ZNF479: variants seen among roughly 807,000 people sequenced by gnomAD.
The protein encoded by ZNF479 is zinc finger protein 479, also known as KRAB zinc finger protein KR19.
A neutral mutation model predicts 14.7 loss-of-function variants in ZNF479; 15 were observed. The observed-to-expected ratio is 1.02, with a 90% confidence interval of 0.68 to 1.57. The LOEUF (loss-of-function observed/expected upper bound fraction) is 1.57. Among genes scored for constraint, ZNF479 ranks in the 40% most tolerant of loss-of-function variants. The pLI is 0.00. For synonymous variants in ZNF479, 145 were observed against 211.5 expected (o/e 0.69, Z 2.73); for missense variants, 506 against 615.1 (o/e 0.82, Z 1.88).
rs1389909464 is a variant in ZNF479, at chr7:57,121,247, G to T, written c.263-95C>A. ...ATATAAAATTACACAAGGTACATTA[G>T]CAAAATGCCATATCAAAATACCACA... On this transcript the variant is annotated intron_variant, in intron 3 of 3. Transcript: ENST00000319636. The T allele has an allele frequency of 2.7e-6, 4 of 1,484,334 alleles. No homozygotes were observed. In the Admixed American group the frequency reaches 6.6e-5, roughly 24 times the overall value. 91.9% of individuals were successfully genotyped at this position (1,484,334 alleles called of 1,614,324 possible). A position where few individuals can be genotyped will look rare whatever the true frequency, so the allele number is the denominator to read the frequency against.
upstream of ZNF479, among the ~76,000 whole-genome samples, chr7:57,135,603 G>A (rs1011951103): frequency 4.6e-5 from 7 of 151,916 alleles, no homozygotes; most frequent in Non-Finnish European, 1.0e-4. Context: ...AGTAGAGATG[G>A]GGTTTCACCA....
upstream of ZNF479, among the ~76,000 whole-genome samples, chr7:57,136,879 T>C (rs970160309): frequency 1.3e-5 from 2 of 152,206 alleles, no homozygotes; most frequent in Non-Finnish European, 2.9e-5. Flanking sequence ...GCCACCTTTT[T>C]GAAAATACCT....
At chr7:57,124,602 A>G (rs55653441) in intron 3 of ZNF479, among the ~76,000 whole-genome samples, 4,212 of 152,336 alleles carry the variant, frequency 0.028, 119 homozygotes, top group East Asian at 0.17. Context: ...GAGAACAGAA[A>G]AATTTAATTG....
chr7:57,125,007 G>A (rs1474089363), intron 3 of ZNF479, among the ~76,000 whole-genome samples: 1 of 152,134 alleles, frequency 6.6e-6, no homozygotes, highest in Non-Finnish European at 1.5e-5. Context: ...GGAGGCAGAG[G>A]TTGCTGTGAG....
Position 57,126,063 on chromosome 7 carries a change from C to G in ZNF479, c.217G>C (p.Glu73Gln), listed in dbSNP as rs760574457. 1.9e-6 allele frequency: 3 copies of G among 1,603,996 alleles called. No individual in the cohort carries two copies. The highest frequency in any genetic ancestry group is 2.2e-5 in the East Asian group (1 of 44,848). Residue 73 changes from glutamate to glutamine, a missense_variant, in exon 3 of 4, where the codon GAG becomes CAG. By Grantham distance (29) the Glu-to-Gln change is conservative. Transcript: ENST00000319636. Reference sequence around the variant, plus strand: ...TCATTTCTCTTTATATTCTGGGACTCTTTATTTTGCTCCAGACAGGTGATC... The same window carrying G: ...TCATTTCTCTTTATATTCTGGGACTGTTTATTTTGCTCCAGACAGGTGATC... ...DLITCLEQNKESQNIKRNEMV... is the reference protein window; with the variant it reads ...DLITCLEQNKQSQNIKRNEMV...
Position 57,138,963 on chromosome 7 carries a change from A to C in ZNF479, c.-15+645T>G, listed in dbSNP as rs183164165. Among the ~76,000 whole-genome samples, 124 of 152,340 alleles carry C rather than the reference A, an allele frequency of 8.1e-4. 2 individuals are homozygous for C. The East Asian group carries it at 0.023, about 28-fold the overall frequency. ...AAAAATGACTCTCCTACCTGGAACC[A>C]AAAATAGGAGAGATGTTGACTCTCA... On this transcript the variant is annotated intron_variant, in intron 1 of 4. Coordinates refer to the ZNF479 transcript ENST00000331162.
chr7:57,131,895 A>G (rs1583946343), intron 1 of ZNF479, among the ~76,000 whole-genome samples: 1 of 152,236 alleles, frequency 6.6e-6, no homozygotes, highest in Admixed American at 6.5e-5. Context: ...ATACATCTCT[A>G]AAAGGAAAAA....
At chr7:57,128,200 A>G (rs1469524409) in intron 1 of ZNF479, among the ~76,000 whole-genome samples, 3 of 152,072 alleles carry the variant, frequency 2.0e-5, no homozygotes, top group South Asian at 2.1e-4. Flanking sequence ...CGGCCTCCCA[A>G]TGTGCTGGGA....
At chr7:57,133,878 G>T (rs1033166531), upstream of ZNF479, among the ~76,000 whole-genome samples, 7 of 152,028 alleles carry the variant, frequency 4.6e-5, no homozygotes, top group African/African-American at 1.7e-4. Context: ...AAAAAAGAAA[G>T]AAACAGGTGG....
At chr7:57,139,286 G>A (rs991416131) in intron 1 of ZNF479, among the ~76,000 whole-genome samples, 1 of 152,052 alleles carries the variant, frequency 6.6e-6, no homozygotes, top group Non-Finnish European at 1.5e-5. Context: ...ATATGTGAAC[G>A]CAGTCCACAG....
rs1253816287 is a variant in ZNF479, at chr7:57,119,413, T to G, written c.*427A>C. 2.8e-5 allele frequency among the ~76,000 whole-genome samples: 4 copies of G among 143,152 alleles called. No individual in the cohort carries two copies. The highest frequency in any genetic ancestry group is 9.9e-5 in the African/African-American group (4 of 40,428). The allele number at this position is 143,152 out of a possible 152,430, so 93.9% of individuals were successfully genotyped here. A position where few individuals can be genotyped will look rare whatever the true frequency, so the allele number is the denominator to read the frequency against. ...ACCTGAGGTCAGGAGTTCAAGACCA[T>G]CCTGGCCAACATGGTGAAACTCTAT... On this transcript the variant is annotated 3_prime_UTR_variant, in exon 4 of 4. Coordinates refer to ENST00000319636, the MANE Select transcript of ZNF479 (RefSeq NM_001370129.2).
Position 57,132,274 on chromosome 7 carries a change from C to T in ZNF479, c.39+12G>A, listed in dbSNP as rs908855536. 1.2e-6 allele frequency: 2 copies of T among 1,614,080 alleles called. No individual in the cohort carries two copies. Among genetic ancestry groups the T allele is most frequent in the African/African-American group, 1.3e-5 (1 of 75,020 alleles). ...CCCACCCCTCTCTCACGATGACAGA[C>T]CCAGCACTCACCATTTCTCGGCTTC... On this transcript the variant is annotated intron_variant, in intron 1 of 3. Coordinates refer to ENST00000319636, the MANE Select transcript of ZNF479 (RefSeq NM_001370129.2).
At chr7:57,131,101 T>C (rs1786398448) in intron 1 of ZNF479, among the ~76,000 whole-genome samples, 1 of 151,978 alleles carries the variant, frequency 6.6e-6, no homozygotes, top group Non-Finnish European at 1.5e-5. Context: ...AGGGTAGAGG[T>C]CTGTTCAGGG....
At chr7:57,128,279 G>T (rs186583766) in intron 1 of ZNF479, among the ~76,000 whole-genome samples, 1 of 152,274 alleles carries the variant, frequency 6.6e-6, no homozygotes, top group Non-Finnish European at 1.5e-5. Context: ...ATGCAAAGTT[G>T]AAGGTGCAGA....
At chr7:57,136,865 G>A (rs560847593), upstream of ZNF479, among the ~76,000 whole-genome samples, 71 of 152,302 alleles carry the variant, frequency 4.7e-4, no homozygotes, top group African/African-American at 1.7e-3. Flanking sequence ...TTGTAAAACT[G>A]CTTGCCACCT....
Position 57,120,042 on chromosome 7 carries a change from A to G in ZNF479, c.1373T>C (p.Ile458Thr), listed in dbSNP as rs202036080. 7.1e-5 allele frequency: 115 copies of G among 1,613,782 alleles called. No homozygotes were observed. In the Middle Eastern group the frequency reaches 3.5e-3, roughly 48 times the overall value. ...LSSTLTDHKR[I>T]HTGERPYTCE... ...TGTGTAGGGTCTCTCTCCAGTATGA[A>G]TTCTCTTGTGGTCAGTGAGGGTTGA... The change falls in exon 4 of 4, where the codon ATT becomes ACT. Residue 458 changes from isoleucine to threonine, a missense_variant. Ile to Thr is a moderately conservative substitution (Grantham distance 89). This residue lies in a region of ZNF479 where 72 missense variants were observed against 97.6 expected (regional missense o/e 0.74). Coordinates refer to ENST00000319636, the MANE Select transcript of ZNF479 (RefSeq NM_001370129.2).
At chr7:57,131,660 T>G (rs1786428623) in intron 1 of ZNF479, among the ~76,000 whole-genome samples, 1 of 152,056 alleles carries the variant, frequency 6.6e-6, no homozygotes, top group South Asian at 2.1e-4. Context: ...GACTGCCAAT[T>G]AATCTCTGAT....
chr7:57,127,010 T>G (rs909081824), intron 1 of ZNF479, among the ~76,000 whole-genome samples: 8 of 145,310 alleles, frequency 5.5e-5, no homozygotes, highest in Non-Finnish European at 1.2e-4. Flanking sequence ...TTCTTTTCTG[T>G]TTTTCTTTTT....
In ZNF479 at chr7:57,122,760, T is replaced by A. The variant is rs142747166; in HGVS notation, c.263-1608A>T. On this transcript the variant is annotated intron_variant, in intron 3 of 3. Coordinates refer to ENST00000319636, the MANE Select transcript of ZNF479 (RefSeq NM_001370129.2). ...TTATAGACACATGAAAGCAAATGAGTCGATTACTAGAATGAGACAAAGATT... is the reference window on the plus strand; with the variant it reads ...TTATAGACACATGAAAGCAAATGAGACGATTACTAGAATGAGACAAAGATT... Among the ~76,000 whole-genome samples the A allele has an allele frequency of 2.0e-3, 299 of 152,008 alleles. 1 individual carries two copies. Among genetic ancestry groups the A allele is most frequent in the African/African-American group, 6.8e-3 (283 of 41,468 alleles).
Sources: gnomAD v4.1 joint callset for allele counts (sites outside exome capture counted in the v4.1 genomes callset) on GRCh38, gnomAD v4.1.1 for gene constraint, gnomAD v4.1.1 regional missense constraint, MANE v1.5 for transcripts, NCBI Gene and HGNC (gene_info 2026-07-23, HGNC 2026-07-21) for gene names.